The following SHROOM2 variants were observed in gnomAD, a reference collection of about 807,000 sequenced individuals.
SHROOM2 encodes protein Shroom2.
A neutral mutation model predicts 75.9 loss-of-function variants in SHROOM2; 33 were observed. The observed-to-expected ratio is 0.43, with a 90% confidence interval of 0.33 to 0.58. The LOEUF is 0.58. SHROOM2 is among the 20% of genes least tolerant of loss of function. SHROOM2 has a pLI of 0.04. For missense variants in SHROOM2, 1,434 were observed against 1,461.2 expected, an observed-to-expected ratio of 0.98 and a Z score of 0.30; for synonymous variants, 655 against 663.6, an observed-to-expected ratio of 0.99 and a Z score of 0.20.
At chrX:9,886,802 A>G (rs1195113043) in intron 2 of SHROOM2, among the ~76,000 whole-genome samples, 1 of 111,977 alleles carries the variant, frequency 8.9e-6, no homozygotes, top group Non-Finnish European at 1.9e-5. Flanking sequence ...GTAATATTCC[A>G]TTGTATGGAA....
intron 8 of SHROOM2, among the ~76,000 whole-genome samples, chrX:9,941,747 G>A (rs112807763): frequency 0.049 from 5,354 of 108,954 alleles, 176 homozygotes; most frequent in Middle Eastern, 0.081. Flanking sequence ...CGAGGTGGGC[G>A]GATCACGAGG....
chrX:9,876,740 C>T (rs1335789226), intron 2 of SHROOM2, among the ~76,000 whole-genome samples: 1 of 112,547 alleles, frequency 8.9e-6, no homozygotes, highest in Non-Finnish European at 1.9e-5. Flanking sequence ...ATTGTCTGCC[C>T]CCATCTGCAA....
At chrX:9,855,295 TAAA>T (rs57235424) in intron 1 of SHROOM2, among the ~76,000 whole-genome samples, 6 of 39,300 alleles carry the variant, frequency 1.5e-4, no homozygotes, top group Admixed American at 4.2e-4. Flanking sequence ...TAAAGTATAG[TAAA>T]AAAAAAAAAA....
intron 5 of SHROOM2, among the ~76,000 whole-genome samples, chrX:9,920,843 TCA>T (rs2084538348): frequency 3.6e-5 from 4 of 112,326 alleles, no homozygotes; most frequent in African/African-American, 9.7e-5. Context: ...CAGCCACAGA[TCA>T]CTTGATCATT....
At chrX:9,857,424 G>A (rs775301714) in intron 1 of SHROOM2, among the ~76,000 whole-genome samples, 2 of 107,332 alleles carry the variant, frequency 1.9e-5, no homozygotes, top group South Asian at 4.2e-4. Context: ...TTGCTCTGTC[G>A]CCCTGGCTGG....
chrX:9,813,756 C>G (rs1243574722), intron 1 of SHROOM2, among the ~76,000 whole-genome samples: 1 of 111,723 alleles, frequency 9.0e-6, no homozygotes, highest in South Asian at 3.8e-4. Flanking sequence ...GGCTTCCTAT[C>G]GATTTCCCTT....
intron 1 of SHROOM2, among the ~76,000 whole-genome samples, chrX:9,809,061 A>G (rs769688963): frequency 1.1e-5 from 1 of 87,924 alleles, no homozygotes; most frequent in South Asian, 6.5e-4. Context: ...CCCTTCCCCC[A>G]AATCCCACCC....
intron 1 of SHROOM2, among the ~76,000 whole-genome samples, chrX:9,816,106 T>C (rs1220737260): frequency 2.7e-5 from 3 of 112,583 alleles, no homozygotes; most frequent in African/African-American, 9.7e-5. Context: ...CATGTTGTAG[T>C]GTGTATCAGT....
intron 1 of SHROOM2, among the ~76,000 whole-genome samples, chrX:9,801,799 C>CA (rs1179065177): frequency 5.5e-5 from 6 of 108,976 alleles, no homozygotes; most frequent in African/African-American, 2.0e-4. Flanking sequence ...CAAAAAAATA[C>CA]AAAAAATTAG....
chrX:9,895,847 A>G lies in SHROOM2; in HGVS notation c.1939A>G (p.Thr647Ala). 1 of 1,204,535 alleles carries G rather than the reference A, an allele frequency of 8.3e-7. No individual in the cohort carries two copies. ...HRAKLQKSRS[T>A]VALTAAGEAE... Reference sequence around the variant, plus strand: ...AGCCAAGCTGCAGAAGAGCCGGAGCACAGTGGCTCTGACTGCAGCAGGGGA... The same window carrying G: ...AGCCAAGCTGCAGAAGAGCCGGAGCGCAGTGGCTCTGACTGCAGCAGGGGA... Residue 647 changes from threonine to alanine, a missense_variant, in exon 4 of 10, where the codon ACA becomes GCA. Coordinates refer to ENST00000380913, the MANE Select transcript of SHROOM2 (RefSeq NM_001649.4).
intron 1 of SHROOM2, among the ~76,000 whole-genome samples, chrX:9,871,487 C>T (rs768633772): frequency 3.6e-5 from 4 of 111,788 alleles, no homozygotes; most frequent in African/African-American, 1.3e-4. Flanking sequence ...GTATCGCCTG[C>T]CTTTTGCTAT....
intron 1 of SHROOM2, among the ~76,000 whole-genome samples, chrX:9,824,232 G>C (rs1052742409): frequency 9.2e-6 from 1 of 108,669 alleles, no homozygotes; most frequent in African/African-American, 3.3e-5. Flanking sequence ...TCAGGAGTTC[G>C]AGACCAGCCT....
In SHROOM2 at chrX:9,932,696, A is replaced by G. The variant is rs751943061; in HGVS notation, c.3413A>G (p.His1138Arg). Residue 1138 changes from histidine (H) to arginine (R), a missense_variant, in exon 6 of 10, where the codon CAT becomes CGT. By Grantham distance (29) the His-to-Arg change is conservative (BLOSUM62 0). Around this residue, in one of 3 missense-constraint regions of SHROOM2, gnomAD observed 1,340 missense variants for 1,338.3 expected, o/e 1.00. Transcript: ENST00000380913. ...ACTGTCTGTGAGCGTGGAAGCCAGC[A>G]TGTGAGCGGGGACGCATCACGTCCT... ...KATVCERGSQ[H>R]VSGDASRPLP... 3 of 1,210,259 alleles carry G rather than the reference A, an allele frequency of 2.5e-6. No individual in the cohort carries two copies. Among genetic ancestry groups the G allele is most frequent in the Admixed American group, 4.4e-5 (2 of 45,915 alleles).
chrX:9,900,349 A>T lies in SHROOM2; in HGVS notation c.2891+2059A>T, dbSNP rs1057496036. Among the ~76,000 whole-genome samples, 5 of 112,008 alleles carry T rather than the reference A, an allele frequency of 4.5e-5. No homozygotes were observed. In the Admixed American group the frequency reaches 4.8e-4, roughly 11 times the overall value. On this transcript the variant is annotated intron_variant, in intron 5 of 9. Coordinates refer to ENST00000380913, the MANE Select transcript of SHROOM2 (RefSeq NM_001649.4). ...AAAAATTTCAATGGAGAATAATAGA[A>T]GTCAAAGTTCAGGCAAGGGATTGTT...
At chrX:9,848,857 G>A (rs1037185651) in intron 1 of SHROOM2, among the ~76,000 whole-genome samples, 3 of 111,275 alleles carry the variant, frequency 2.7e-5, no homozygotes, top group Admixed American at 1.9e-4. Flanking sequence ...TGAGTGCAGC[G>A]CTCCGTGAAG....
At chrX:9,856,024 C>CTTTTT (rs35234850) in intron 1 of SHROOM2, among the ~76,000 whole-genome samples, 2 of 84,289 alleles carry the variant, frequency 2.4e-5, no homozygotes. Context: ...AGAATGTTTC[C>CTTTTT]TTTTTTTTTT....
chrX:9,862,417 C>T (rs1178265061), intron 1 of SHROOM2, among the ~76,000 whole-genome samples: 1 of 109,581 alleles, frequency 9.1e-6, no homozygotes, highest in Non-Finnish European at 1.9e-5. Context: ...TGAGGGCCAC[C>T]GCTGGCTGGA....
intron 5 of SHROOM2, among the ~76,000 whole-genome samples, chrX:9,920,548 T>C (rs1359544209): frequency 2.7e-5 from 3 of 112,662 alleles, no homozygotes; most frequent in Non-Finnish European, 5.6e-5. Context: ...CTTCTAAAAC[T>C]ATTATTGAGG....
chrX:9,820,229 G>A (rs1047917079), intron 1 of SHROOM2, among the ~76,000 whole-genome samples: 13 of 98,358 alleles, frequency 1.3e-4, no homozygotes, highest in African/African-American at 4.6e-4. Flanking sequence ...ATCATATGTC[G>A]ACTGAAGCTG....
Sources: gnomAD v4.1 joint callset for allele counts (sites outside exome capture counted in the v4.1 genomes callset) on GRCh38, gnomAD v4.1.1 for gene constraint, gnomAD v4.1.1 regional missense constraint, MANE v1.5 for transcripts, NCBI Gene and HGNC (gene_info 2026-07-23, HGNC 2026-07-21) for gene names.